Variants in PPIL2 observed in about 807,000 individuals in gnomAD.
PPIL2 encodes the protein peptidylprolyl isomerase like 2.
In PPIL2, 50 loss-of-function variants were observed where a neutral mutation model predicts 75.2. That is an observed-to-expected ratio of 0.66 (90% CI 0.53 to 0.84). The LOEUF (loss-of-function observed/expected upper bound fraction) is 0.84. Among genes scored for constraint, PPIL2 ranks in the 40% least tolerant of loss-of-function variants. The pLI, the probability that PPIL2 is intolerant of heterozygous loss-of-function variation, is 0.00. For missense variants in PPIL2, 590 were observed against 685.0 expected, an observed-to-expected ratio of 0.86 and a Z score of 1.55; for synonymous variants, 245 against 258.8, an observed-to-expected ratio of 0.95 and a Z score of 0.51.
At chr22:21,684,080 G>A (rs908963641) in intron 9 of PPIL2, among the ~76,000 whole-genome samples, 2 of 152,060 alleles carry the variant, frequency 1.3e-5, no homozygotes, top group South Asian at 2.1e-4. Context: ...TAGTTGGTGC[G>A]CCTGTAGCCC....
At chr22:21,686,820 G>A (rs956277958) in intron 11 of PPIL2, 72 bp from the exon 12 acceptor site, 6 of 1,429,012 alleles carry the variant, frequency 4.2e-6, no homozygotes, top group Non-Finnish European at 5.9e-6. Flanking sequence ...TGTGTCTGAG[G>A]TCGGTGCTGC....
chr22:21,669,817 A>G (rs2066560123), intron 1 of PPIL2, 96 bp from the exon 2 acceptor site: 1 of 1,296,320 alleles, frequency 7.7e-7, no homozygotes, highest in East Asian at 2.3e-5. Context: ...GGTATTTAGT[A>G]AGCATTTGCT....
rs762947950 is a variant in PPIL2, at chr22:21,675,077, G to A, written c.257G>A (p.Arg86Lys). The part of the protein sequence containing the change: ...NPSNGEKLDG[R>K]SLIKLNFSKN... ...TGCTTCTTCCAGAAGCTGGACGGGA[G>A]GTCCCTGATCAAGCTGAACTTTTCC... is the stretch of plus-strand genomic sequence containing the variant. The change falls in exon 6 of 20, where the codon AGG (arginine) becomes AAG (lysine). Residue 86 changes from arginine (R) to lysine (K), a missense_variant. By Grantham distance (26) the Arg-to-Lys change is conservative. Transcript: ENST00000398831. 1 of 1,612,488 alleles carries A rather than the reference G, an allele frequency of 6.2e-7. No individual in the cohort carries two copies. Among genetic ancestry groups the A allele is most frequent in the African/African-American group, 1.3e-5 (1 of 74,984 alleles).
At chr22:21,674,940 C>T in intron 5 of PPIL2, 124 bp from the exon 6 acceptor site, 2 of 864,146 alleles carry the variant, frequency 2.3e-6, no homozygotes, top group South Asian at 3.2e-5. Context: ...GGGGCCTTCC[C>T]TTTTGTCCAG....
chr22:21,681,474 C>T, intron 7 of PPIL2, 84 bp downstream of exon 7: 1 of 1,255,254 alleles, frequency 8.0e-7, no homozygotes, highest in Non-Finnish European at 1.2e-6. Flanking sequence ...GGGCTGTGTG[C>T]TACGTGTACG....
chr22:21,683,222 A>G lies in PPIL2; in HGVS notation c.518A>G (p.Tyr173Cys), dbSNP rs757390442. 10 of 1,613,494 alleles carry G rather than the reference A, an allele frequency of 6.2e-6. No individual in the cohort carries two copies. The highest frequency in any genetic ancestry group is 8.5e-6 in the Non-Finnish European group (10 of 1,179,504). Reference sequence around the variant, plus strand: ...GACAAGTTCAATGTCTCTAACTTCTATCATGTGAAGAATAACATGAAAATA... The same window carrying G: ...GACAAGTTCAATGTCTCTAACTTCTGTCATGTGAAGAATAACATGAAAATA... ...NLDKFNVSNFYHVKNNMKIID... is the reference protein window; with the variant it reads ...NLDKFNVSNFCHVKNNMKIID... The change falls in exon 9 of 20, where the codon TAT becomes TGT. Residue 173 changes from tyrosine to cysteine, a missense_variant. Physicochemically the swap from Tyr to Cys is radical, Grantham distance 194. Coordinates refer to ENST00000398831, the MANE Select transcript of PPIL2 (RefSeq NM_014337.4).
Position 21,670,574 on chromosome 22 carries a change from C to G in PPIL2, c.91C>G (p.Gln31Glu), listed in dbSNP as rs751954648. 3.1e-6 allele frequency: 5 copies of G among 1,610,732 alleles called. No homozygotes were observed. The highest frequency in any genetic ancestry group is 4.2e-6 in the Non-Finnish European group (5 of 1,177,032). Residue 31 changes from glutamine (Q) to glutamate (E), a missense_variant, in exon 3 of 20, where the codon CAA (glutamine) becomes GAA (glutamate). Transcript: ENST00000398831. ...ATTTCATTTTTAAACAGATCTCCCA[C>G]AAACAAATTTTCGTCGTTTACCTTT... ...FYGGKKPDLP[Q>E]TNFRRLPFDH...
chr22:21,689,593 A>T (rs2067534092), intron 15 of PPIL2, among the ~76,000 whole-genome samples: 1 of 150,084 alleles, frequency 6.7e-6, no homozygotes. Context: ...AGTTTTTAAG[A>T]TTTTTTTGGG....
chr22:21,683,194 T>C lies in PPIL2; in HGVS notation c.490T>C (p.Leu164=). ...DIITLQDPTN[L]DKFNVSNFYH... is the part of the protein sequence containing the mutation. ...CTTTTTGCCACAGGACCCCACCAAT[T>C]TGGACAAGTTCAATGTCTCTAACTT... The change falls in exon 9 of 20, where the codon TTG becomes CTG. Residue 164 remains leucine (L), a synonymous_variant. Coordinates refer to ENST00000398831, the MANE Select transcript of PPIL2 (RefSeq NM_014337.4). The C allele has an allele frequency of 6.2e-7, 1 of 1,613,532 alleles. No homozygotes were observed. Among genetic ancestry groups the C allele is most frequent in the East Asian group, 2.2e-5 (1 of 44,874 alleles).
chr22:21,675,111 T>C lies in PPIL2; in HGVS notation c.291T>C (p.Ser97=). The change falls in exon 6 of 20, where the codon AGT becomes AGC. Residue 97 remains serine, a synonymous_variant. Transcript: ENST00000398831. The part of the protein sequence containing the change: ...SLIKLNFSKN[S]EGKYHCPVLF... ...TCAAGCTGAACTTTTCCAAGAACAG[T>C]GAGGGTGAGTGGAACTATCACAGCC... is the stretch of plus-strand genomic sequence containing the variant. The C allele has an allele frequency of 6.2e-7, 1 of 1,612,858 alleles. No homozygotes were observed.
chr22:21,683,335 C>A, intron 9 of PPIL2, 78 bp downstream of exon 9: 1 of 1,320,748 alleles, frequency 7.6e-7, no homozygotes, highest in South Asian at 1.2e-5. Context: ...GTAAAGCCCC[C>A]GCTTTCCTGG....
chr22:21,681,362 G>C lies in PPIL2; in HGVS notation c.359G>C (p.Arg120Thr). The change falls in exon 7 of 20, where the codon AGG (arginine) becomes ACG (threonine). Residue 120 changes from arginine to threonine, a missense_variant. Transcript: ENST00000398831. Reference sequence around the variant, plus strand: ...AACAACACCCACATCGTGGCTGTGAGGACGACCGGCAACGTCTACGCCTAT... The same window carrying C: ...AACAACACCCACATCGTGGCTGTGACGACGACCGGCAACGTCTACGCCTAT... Reference protein sequence around the residue: ...FTNNTHIVAVRTTGNVYAYEA... With the variant: ...FTNNTHIVAVTTTGNVYAYEA... The C allele has an allele frequency of 6.2e-7, 1 of 1,614,134 alleles. No individual in the cohort carries two copies. The highest frequency in any genetic ancestry group is 1.3e-5 in the African/African-American group (1 of 75,064).
At chr22:21,672,727 G>T (rs1401731602) in intron 5 of PPIL2, among the ~76,000 whole-genome samples, 1 of 152,208 alleles carries the variant, frequency 6.6e-6, no homozygotes, top group East Asian at 1.9e-4. Context: ...ACATTATGCA[G>T]CCTGGTTCCG....
rs572119689 is a variant in PPIL2 at position 21,676,113 on chromosome 22, C to T, written c.295+998C>T. ...GCCCCGCTTGTCTGAGCCCAGAGCCCGGTCCCCAGTCGGTGCAGCATTCGC... is the reference window on the plus strand; with the variant it reads ...GCCCCGCTTGTCTGAGCCCAGAGCCTGGTCCCCAGTCGGTGCAGCATTCGC... On this transcript the variant is annotated intron_variant, in intron 6 of 19. Transcript: ENST00000398831. 2.0e-3 allele frequency among the ~76,000 whole-genome samples: 308 copies of T among 152,258 alleles called. 1 individual carries two copies. The highest frequency in any genetic ancestry group is 0.01 in the Middle Eastern group (3 of 292).
rs775623944 is a variant in PPIL2, at chr22:21,694,948, G to A, written c.1344G>A (p.Glu448=). 3.1e-6 allele frequency: 5 copies of A among 1,613,630 alleles called. No homozygotes were observed. In the South Asian group the frequency reaches 3.3e-5, roughly 11 times the overall value. The part of the protein sequence containing the change: ...YEEADAQIAQ[E]RKTQLKVAPE... ...CTGTTGTGCCACAGATTGCGCAGGA[G>A]CGGAAGACACAGCTCAAGGTAGCCC... Residue 448 remains glutamate, a synonymous_variant, in exon 19 of 20, where the codon GAG becomes GAA. Coordinates refer to ENST00000398831, the MANE Select transcript of PPIL2 (RefSeq NM_014337.4).
At chr22:21,698,043 C>T (rs2068006166), downstream of PPIL2, 1 of 152,236 alleles carries the variant, frequency 6.6e-6, no homozygotes. Flanking sequence ...ACCCTGACAT[C>T]ACCTCCCAAG....
intron 9 of PPIL2, among the ~76,000 whole-genome samples, chr22:21,684,467 A>G (rs1230253229): frequency 3.3e-5 from 5 of 149,374 alleles, no homozygotes; most frequent in African/African-American, 1.0e-4. Flanking sequence ...AAAAAAAAAA[A>G]AAAAAAAAGA....
intron 1 of PPIL2, among the ~76,000 whole-genome samples, chr22:21,666,656 A>G (rs1346026279): frequency 6.6e-6 from 1 of 152,036 alleles, no homozygotes; most frequent in African/African-American, 2.4e-5. Context: ...TAAAAATACA[A>G]AAATTAGCGG....
Position 21,695,070 on chromosome 22 carries a change from C to T in PPIL2, c.1466C>T (p.Thr489Met), listed in dbSNP as rs200598713. ...GGCAAGTACATCAACCCAGCAGCCA[C>T]GTGAGTGCCGCGGGGCTGGCCTCCC... is the stretch of plus-strand genomic sequence containing the variant. ...GVGKYINPAA[T>M]KRAAEEEPST... The change falls in exon 19 of 20, where the codon ACG becomes ATG. Residue 489 changes from threonine to methionine, a missense_variant and splice_region_variant. By Grantham distance (81) the Thr-to-Met change is moderately conservative (BLOSUM62 -1). Transcript: ENST00000398831. The T allele has an allele frequency of 6.3e-5, 101 of 1,603,700 alleles. 1 individual carries two copies. The East Asian group carries it at 2.0e-3, about 32-fold the overall frequency.
Sources: allele counts gnomAD v4.1 joint callset (sites outside exome capture counted in the v4.1 genomes callset), GRCh38; gene constraint gnomAD v4.1.1; transcripts MANE v1.5; gene names NCBI Gene and HGNC (gene_info 2026-07-23, HGNC 2026-07-21).